The following CYP2F1 variants were observed in gnomAD, a reference collection of about 807,000 sequenced individuals.
CYP2F1 encodes cytochrome P450 2F1.
CYP2F1 carries 33 observed loss-of-function variants against 40.4 expected under a neutral mutation model. The observed-to-expected ratio is 0.82, with a 90% CI of 0.62 to 1.09. The LOEUF (loss-of-function observed/expected upper bound fraction) is 1.09, where lower values mean the gene tolerates loss of function less well. Ranked by LOEUF, CYP2F1 falls within the 50% of genes least tolerant of loss-of-function variation. The probability of loss-of-function intolerance (pLI) is 0.00; values close to 1 mark genes in which losing one functional copy is unlikely to be tolerated. For missense variants in CYP2F1, 566 were observed against 655.7 expected (o/e 0.86, Z 1.49); for synonymous variants, 235 against 277.2 (o/e 0.85, Z 1.51).
chr19:41,116,196 G>A lies in CYP2F1; in HGVS notation c.8G>A (p.Ser3Asn). 1 of 1,600,102 alleles carries A rather than the reference G, an allele frequency of 6.2e-7. No individual in the cohort carries two copies. Among genetic ancestry groups the A allele is most frequent in the East Asian group, 2.3e-5 (1 of 44,442 alleles). Residue 3 changes from serine (S) to asparagine (N), a missense_variant, in exon 2 of 10, where the codon AGC becomes AAC. Ser to Asn is a conservative substitution (Grantham distance 46). This residue lies in a region of CYP2F1 where 264 missense variants were observed against 275.7 expected (regional missense o/e 0.96). Coordinates refer to ENST00000331105, the MANE Select transcript of CYP2F1 (RefSeq NM_000774.5). Reference sequence around the variant, plus strand: ...CCAGCAGCTGCCTTCACCATGGACAGCATAAGCACAGCCATCTTACTCCTG... The same window carrying A: ...CCAGCAGCTGCCTTCACCATGGACAACATAAGCACAGCCATCTTACTCCTG... MD[S>N]ISTAILLLLL... is the part of the protein sequence containing the mutation.
At chr19:41,115,143 TTC>T (rs138796476) in intron 1 of CYP2F1, among the ~76,000 whole-genome samples, 6 of 149,564 alleles carry the variant, frequency 4.0e-5, no homozygotes, top group Non-Finnish European at 6.0e-5. Context: ...GCCTCTCTTA[TTC>T]TCTCTCTCTC....
chr19:41,123,258 C>T (rs1311409569), intron 7 of CYP2F1: 4 of 497,888 alleles, frequency 8.0e-6, no homozygotes, highest in Non-Finnish European at 1.6e-5. Context: ...AGTGCAGTGG[C>T]GTGATCTCGA....
chr19:41,120,509 T>C lies in CYP2F1; in HGVS notation c.484+13T>C. ...CGGAAAACTGAAGGTCAGGAATTTTTTTTAACAGGCTGGATGGCACGATCT... is the reference window on the plus strand; with the variant it reads ...CGGAAAACTGAAGGTCAGGAATTTTCTTTAACAGGCTGGATGGCACGATCT... On this transcript the variant is annotated intron_variant, in intron 4 of 9. Coordinates refer to ENST00000331105, the MANE Select transcript of CYP2F1 (RefSeq NM_000774.5). 1 of 1,610,486 alleles carries C rather than the reference T, an allele frequency of 6.2e-7. No homozygotes were observed. Among genetic ancestry groups the C allele is most frequent in the Non-Finnish European group, 8.5e-7 (1 of 1,178,930 alleles).
intron 8 of CYP2F1, 43 bp downstream of exon 8, chr19:41,124,949 G>A (rs1332811693): frequency 1.3e-6 from 2 of 1,526,756 alleles, no homozygotes; most frequent in Admixed American, 1.8e-5. Context: ...CCTAAGAGGA[G>A]GCATCGCAGG....
chr19:41,127,167 C>T (rs1202932715), intron 9 of CYP2F1, among the ~76,000 whole-genome samples: 1 of 152,110 alleles, frequency 6.6e-6, no homozygotes, highest in Non-Finnish European at 1.5e-5. Context: ...GCCTCAATGT[C>T]CACATCTATA....
At chr19:41,117,786 G>T (rs748098726) in intron 3 of CYP2F1, among the ~76,000 whole-genome samples, 4 of 152,016 alleles carry the variant, frequency 2.6e-5, no homozygotes, top group East Asian at 1.9e-4. Context: ...TCAATATCTT[G>T]TCCCTCTAAG....
Position 41,115,425 on chromosome 19 carries a change from G to A in CYP2F1, c.-11-753G>A, listed in dbSNP as rs540007082. Among the ~76,000 whole-genome samples, 3 of 152,078 alleles carry A rather than the reference G, an allele frequency of 2.0e-5. No individual in the cohort carries two copies. The South Asian group carries it at 6.2e-4, about 32-fold the overall frequency. On this transcript the variant is annotated intron_variant, in intron 1 of 9. Coordinates refer to ENST00000331105, the MANE Select transcript of CYP2F1 (RefSeq NM_000774.5). ...AGTCTATGTCAGCCTCTCTCTTTCT[G>A]TGATGTGCTCTCTGGCTCTCCCTAT...
intron 3 of CYP2F1, among the ~76,000 whole-genome samples, chr19:41,119,901 A>G (rs1033115202): frequency 4.0e-5 from 6 of 151,558 alleles, no homozygotes; most frequent in African/African-American, 1.5e-4. Context: ...AGATGGTGTC[A>G]CTGCACTCCA....
intron 6 of CYP2F1, among the ~76,000 whole-genome samples, chr19:41,122,535 T>C (rs1336801648): frequency 6.8e-6 from 1 of 146,724 alleles, no homozygotes; most frequent in Non-Finnish European, 1.5e-5. Flanking sequence ...CATACACACA[T>C]ACATACATAC....
At position 41,128,001 on chromosome 19, in the gene CYP2F1, C is replaced by T. The variant is rs374948705; in HGVS notation, c.1395C>T (p.Pro465=). The T allele has an allele frequency of 1.0e-4, 162 of 1,613,348 alleles. 1 individual carries two copies. The South Asian group carries it at 1.4e-3, about 14-fold the overall frequency. ...TTTCGCTGCAGCCGCTGGGTGCGCCCGAGGACATCGACCTGACCCCACTCA... is the reference window on the plus strand; with the variant it reads ...TTTCGCTGCAGCCGCTGGGTGCGCCTGAGGACATCGACCTGACCCCACTCA... ...QSFSLQPLGA[P]EDIDLTPLSS... Residue 465 remains proline (P), a synonymous_variant, in exon 10 of 10, where the codon CCC becomes CCT. Coordinates refer to ENST00000331105, the MANE Select transcript of CYP2F1 (RefSeq NM_000774.5).
rs569581968 is a variant in CYP2F1 at position 41,124,656 on chromosome 19, T to C, written c.965-63T>C. 138 of 1,469,200 alleles carry C rather than the reference T, an allele frequency of 9.4e-5. 3 individuals carry two copies. In the South Asian group the frequency reaches 1.6e-3, roughly 17 times the overall value. The allele number at this position is 1,469,200 out of a possible 1,614,324, so 91.0% of individuals were successfully genotyped here. On this transcript the variant is annotated intron_variant, in intron 7 of 9. Transcript: ENST00000331105. ...TCCCCACACACGCACACACCTCTTA[T>C]CAGCCTGGTTGCCCTGTCGCGCCCG...
At chr19:41,123,226 C>G (rs1377502651) in intron 7 of CYP2F1, 3 of 553,980 alleles carry the variant, frequency 5.4e-6, no homozygotes, top group African/African-American at 1.9e-5. Flanking sequence ...GAGACGGAGT[C>G]TGGCTCTGTC....
chr19:41,122,855 G>T lies in CYP2F1; in HGVS notation c.856G>T (p.Asp286Tyr). ...KEDPLSHFHM[D>Y]TLLMTTHNLL... is the part of the protein sequence containing the mutation. ...GGACCCACTGAGCCACTTCCACATGGATACCCTGCTGATGACCACACATAA... is the reference window on the plus strand; with the variant it reads ...GGACCCACTGAGCCACTTCCACATGTATACCCTGCTGATGACCACACATAA... The change falls in exon 7 of 10, where the codon GAT (aspartate) becomes TAT (tyrosine). Residue 286 changes from aspartate to tyrosine, a missense_variant. Transcript: ENST00000331105. The T allele has an allele frequency of 6.4e-7, 1 of 1,559,738 alleles. No individual in the cohort carries two copies. Among genetic ancestry groups the T allele is most frequent in the Non-Finnish European group, 8.7e-7 (1 of 1,150,978 alleles).
chr19:41,125,592 C>G lies in CYP2F1; in HGVS notation c.1252C>G (p.Gln418Glu), dbSNP rs2032507819. ...FNPEHFLDAN[Q>E]SFKKSPAFMP... is the part of the protein sequence containing the mutation. ...CCCCGAGCATTTTTTGGATGCCAAT[C>G]AGTCCTTCAAGAAGAGTCCAGCCTT... The change falls in exon 9 of 10, where the codon CAG becomes GAG. Residue 418 changes from glutamine to glutamate, a missense_variant. Gln to Glu is a conservative substitution (Grantham distance 29). Around this residue, in one of 5 missense-constraint regions of CYP2F1, gnomAD observed 27 missense variants for 68.4 expected, o/e 0.39. Transcript: ENST00000331105. The G allele has an allele frequency of 2.5e-6, 4 of 1,611,070 alleles. No homozygotes were observed. The highest frequency in any genetic ancestry group is 2.2e-5 in the South Asian group (2 of 90,952).
At position 41,117,936 on chromosome 19, in the gene CYP2F1, G is replaced by A. The variant is rs139441153; in HGVS notation, c.334+1319G>A. On this transcript the variant is annotated intron_variant, in intron 3 of 9. Transcript: ENST00000331105. ...GCAATCTCAGCTCACTGCAATCTCC[G>A]CCTCCCAGGTTGATGCCATTCTCCT... Among the ~76,000 whole-genome samples the A allele has an allele frequency of 5.1e-3, 776 of 152,066 alleles. 8 individuals are homozygous for A. Among genetic ancestry groups the A allele is most frequent in the South Asian group, 0.02 (94 of 4,802 alleles).
Position 41,121,533 on chromosome 19 carries a change from G to A in CYP2F1, c.560G>A (p.Arg187His), listed in dbSNP as rs200553377. The change falls in exon 5 of 10, where the codon CGC (arginine) becomes CAC (histidine). Residue 187 changes from arginine to histidine, a missense_variant. Around this residue, in one of 5 missense-constraint regions of CYP2F1, gnomAD observed 264 missense variants for 275.7 expected, o/e 0.96. Transcript: ENST00000331105. The stretch of plus-strand genomic sequence containing the variant: ...ATCTGTTCCGTGCTCTTCGGCAGCC[G>A]CTTCGACTATGATGATGAGCGTCTG... ...NIICSVLFGS[R>H]FDYDDERLLT... 250 of 1,609,664 alleles carry A rather than the reference G, an allele frequency of 1.6e-4. 9 individuals are homozygous for A. In the East Asian group the frequency reaches 5.5e-3, roughly 35 times the overall value.
At chr19:41,120,582 A>C in intron 4 of CYP2F1, 86 bp downstream of exon 4, 1 of 1,445,056 alleles carries the variant, frequency 6.9e-7, no homozygotes, top group Non-Finnish European at 9.6e-7. Context: ...CCTGGGCCCA[A>C]ACCATCCTCC....
chr19:41,119,552 T>A (rs1411516172), intron 3 of CYP2F1, among the ~76,000 whole-genome samples: 2 of 151,384 alleles, frequency 1.3e-5, no homozygotes, highest in Admixed American at 6.6e-5. Flanking sequence ...ATCGAGACCA[T>A]CCTTGCCATG....
At position 41,124,912 on chromosome 19, in the gene CYP2F1, C is replaced by G; in HGVS notation, c.1152+6C>G. 6.3e-7 allele frequency: 1 copy of G among 1,593,632 alleles called. No individual in the cohort carries two copies. The highest frequency in any genetic ancestry group is 1.1e-5 in the South Asian group (1 of 89,400). On this transcript the variant is annotated splice_donor_region_variant and intron_variant, in intron 8 of 9. Transcript: ENST00000331105. ...GCGGCTTCCTGATACCCAAGGTGCGCTAGGCCTGGCAAACGACATCAGGCA... is the reference window on the plus strand; with the variant it reads ...GCGGCTTCCTGATACCCAAGGTGCGGTAGGCCTGGCAAACGACATCAGGCA...
Sources: allele counts gnomAD v4.1 joint callset (sites outside exome capture counted in the v4.1 genomes callset), GRCh38; gene constraint gnomAD v4.1.1; regional missense constraint gnomAD v4.1.1; transcripts MANE v1.5; gene names NCBI Gene and HGNC (gene_info 2026-07-23, HGNC 2026-07-21).